The following NFATC2 variants were observed in gnomAD, a reference collection of about 807,000 sequenced individuals.
NFATC2 encodes nuclear factor of activated T cells 2, also known as nuclear factor of activated T-cells, cytoplasmic 2.
Under a neutral mutation model 87.3 loss-of-function variants are expected in NFATC2, and 22 were observed. That is an observed-to-expected ratio of 0.25 (90% CI 0.18 to 0.36). NFATC2 has a LOEUF of 0.36. Among genes scored for constraint, NFATC2 ranks in the 10% least tolerant of loss-of-function variants. The pLI is 1.00. For missense variants in NFATC2, 1,149 were observed against 1,259.1 expected, an observed-to-expected ratio of 0.91 and a Z score of 1.32; for synonymous variants, 565 against 542.2, an observed-to-expected ratio of 1.04 and a Z score of -0.58.
At position 51,524,177 on chromosome 20, in the gene NFATC2, T is replaced by C; in HGVS notation, c.131-67A>G. ...AAACAGAACTCCCGGTGCAGAGCAA[T>C]CACAGGCTGGATTTCGTCTCACGTC... is the stretch of plus-strand genomic sequence containing the variant. On this transcript the variant is annotated intron_variant, in intron 1 of 10. Coordinates refer to ENST00000371564, the MANE Select transcript of NFATC2 (RefSeq NM_012340.5). The surrounding 1 kb of genome is among the most constrained non-coding windows in gnomAD (Gnocchi z 4.0). 1 of 1,336,258 alleles carries C rather than the reference T, an allele frequency of 7.5e-7. No individual in the cohort carries two copies. The highest frequency in any genetic ancestry group is 9.8e-7 in the Non-Finnish European group (1 of 1,023,894). 82.8% of individuals were successfully genotyped at this position (1,336,258 alleles called of 1,614,324 possible). A position where few individuals can be genotyped will look rare whatever the true frequency, so the allele number is the denominator to read the frequency against.
chr20:51,542,219 G>A (rs756796931), intron 1 of NFATC2, 151 bp downstream of exon 1: 42 of 961,812 alleles, frequency 4.4e-5, no homozygotes, highest in Middle Eastern at 6.1e-4. Context: ...GGCCACTGAC[G>A]CCTCCCCTCC....
chr20:51,491,877 TACACACACACAC>T (rs33936990), intron 3 of NFATC2, among the ~76,000 whole-genome samples: 8 of 57,402 alleles, frequency 1.4e-4, no homozygotes, highest in East Asian at 4.6e-4. Flanking sequence ...CACATACACA[TACACACACACAC>T]ACACACACAC....
chr20:51,528,262 C>T (rs1331800016), intron 1 of NFATC2, among the ~76,000 whole-genome samples: 1 of 151,984 alleles, frequency 6.6e-6, no homozygotes, highest in Non-Finnish European at 1.5e-5. Context: ...TGATGGGATA[C>T]AGTATAGCTA....
chr20:51,464,834 A>T (rs370555819), intron 5 of NFATC2, among the ~76,000 whole-genome samples: 1 of 152,212 alleles, frequency 6.6e-6, no homozygotes, highest in Admixed American at 6.5e-5. Flanking sequence ...GTGGGATGCA[A>T]TGTTACCACT....
At chr20:51,561,657 C>T (rs1328899049) in intron 1 of NFATC2, among the ~76,000 whole-genome samples, 2 of 137,854 alleles carry the variant, frequency 1.5e-5, no homozygotes, top group Non-Finnish European at 3.0e-5. Flanking sequence ...AGGAGGCTAA[C>T]TCCTCCTCCG....
chr20:51,482,268 G>T (rs1406346637), intron 3 of NFATC2, among the ~76,000 whole-genome samples: 1 of 152,016 alleles, frequency 6.6e-6, no homozygotes, highest in African/African-American at 2.4e-5. Context: ...ACTCACCCCT[G>T]CCTGCCACCA....
chr20:51,411,577 G>C (rs770161996), intron 9 of NFATC2, among the ~76,000 whole-genome samples: 1 of 127,664 alleles, frequency 7.8e-6, no homozygotes, highest in Non-Finnish European at 1.5e-5. Context: ...TCCCAGGCTC[G>C]TGTGCAGTAG....
intron 6 of NFATC2, among the ~76,000 whole-genome samples, chr20:51,443,416 C>T (rs115321242): frequency 3.6e-4 from 55 of 152,266 alleles, no homozygotes; most frequent in African/African-American, 1.2e-3. Flanking sequence ...CAGTGTGCAC[C>T]CTACAGCCAG....
intron 3 of NFATC2, among the ~76,000 whole-genome samples, chr20:51,486,604 A>C (rs1989730491): frequency 9.0e-6 from 1 of 111,030 alleles, no homozygotes; most frequent in Admixed American, 1.4e-4. Flanking sequence ...CCCCCGCCCC[A>C]CTAGAATGTA....
chr20:51,425,273 G>C (rs1981615129), intron 9 of NFATC2, among the ~76,000 whole-genome samples: 1 of 152,192 alleles, frequency 6.6e-6, no homozygotes, highest in Non-Finnish European at 1.5e-5. Flanking sequence ...GCAAAAAAAG[G>C]ACGCTGGCAA....
chr20:51,398,984 G>A (rs764755178), intron 9 of NFATC2: 48 of 392,164 alleles, frequency 1.2e-4, no homozygotes, highest in African/African-American at 4.0e-4. Flanking sequence ...TCAGGGGAGC[G>A]TGTTCAGGGT....
intron 1 of NFATC2, among the ~76,000 whole-genome samples, chr20:51,551,730 TA>T (rs2076934609): frequency 6.6e-6 from 1 of 150,866 alleles, no homozygotes; most frequent in Non-Finnish European, 1.5e-5. Context: ...AATTTTGTTT[TA>T]AAAATATTAT....
chr20:51,548,713 T>C (rs1486687020), intron 1 of NFATC2, among the ~76,000 whole-genome samples: 1 of 152,232 alleles, frequency 6.6e-6, no homozygotes, highest in Non-Finnish European at 1.5e-5. Context: ...CAGTACATGG[T>C]AGCTTCTCAC....
intron 10 of NFATC2, among the ~76,000 whole-genome samples, chr20:51,397,646 A>G (rs1600649630): frequency 6.6e-6 from 1 of 152,268 alleles, no homozygotes; most frequent in South Asian, 2.1e-4. Flanking sequence ...TCAGATGCAA[A>G]AAGTCCTGAG....
In NFATC2 at chr20:51,523,176, G is replaced by A. The variant is rs768655246; in HGVS notation, c.1065C>T (p.Cys355=). The change falls in exon 2 of 11, where the codon TGC becomes TGT. Residue 355 remains cysteine, a synonymous_variant. Transcript: ENST00000371564. This position sits in a 1 kb window ranked among gnomAD's most constrained non-coding sequence, Gnocchi z 6.9. The part of the protein sequence containing the change: ...IYPAVEFLGP[C]EQGERRNSAP... Reference sequence around the variant, plus strand: ...CCGAGTTTCTCCTCTCGCCCTGCTCGCAGGGCCCCAGGAACTCCACGGCCG... The same window carrying A: ...CCGAGTTTCTCCTCTCGCCCTGCTCACAGGGCCCCAGGAACTCCACGGCCG... The A allele has an allele frequency of 2.0e-5, 33 of 1,614,064 alleles. No individual in the cohort carries two copies. The highest frequency in any genetic ancestry group is 2.8e-5 in the Non-Finnish European group (33 of 1,180,044).
In NFATC2 at chr20:51,445,197, C is replaced by T. The variant is rs76130388; in HGVS notation, c.1849+9351G>A. On this transcript the variant is annotated intron_variant, in intron 6 of 10. Transcript: ENST00000371564. ...TGACTGCAGGGCCCAGCTGGGCCTG[C>T]CCCCCGCAGCACCTCTCCAGGCTGG... Among the ~76,000 whole-genome samples the T allele has an allele frequency of 6.9e-3, 1,044 of 152,080 alleles. 11 individuals carry two copies. The highest frequency in any genetic ancestry group is 0.02 in the African/African-American group (848 of 41,440).
In NFATC2 at chr20:51,556,894, G is replaced by C. The variant is rs185046312; in HGVS notation, c.70+5666C>G. 7.9e-5 allele frequency among the ~76,000 whole-genome samples: 12 copies of C among 152,262 alleles called. No homozygotes were observed. The East Asian group carries it at 2.3e-3, about 29-fold the overall frequency. ...ATAGAGAGCCAGAGAGAGGGGATGGGGGCTGCTAGGAGTCATTGCGTGGTG... is the reference window on the plus strand; with the variant it reads ...ATAGAGAGCCAGAGAGAGGGGATGGCGGCTGCTAGGAGTCATTGCGTGGTG... On this transcript the variant is annotated intron_variant, in intron 1 of 10. Transcript: ENST00000414705.
chr20:51,552,935 A>AT (rs2076946366), intron 1 of NFATC2, among the ~76,000 whole-genome samples: 1 of 152,082 alleles, frequency 6.6e-6, no homozygotes, highest in African/African-American at 2.4e-5. Flanking sequence ...TAAGCCCCAC[A>AT]TGCATTAGCT....
At chr20:51,439,022 T>G (rs1390935490) in intron 6 of NFATC2, among the ~76,000 whole-genome samples, 1 of 152,206 alleles carries the variant, frequency 6.6e-6, no homozygotes, top group Non-Finnish European at 1.5e-5. Context: ...GAGAAAGATC[T>G]CATGTGGGTG....
Sources: gnomAD v4.1 joint callset for allele counts (sites outside exome capture counted in the v4.1 genomes callset) on GRCh38, gnomAD v4.1.1 for gene constraint, Gnocchi (gnomAD v3.1) non-coding constraint, MANE v1.5 for transcripts, NCBI Gene and HGNC (gene_info 2026-07-23, HGNC 2026-07-21) for gene names.